NALF1: variants seen among roughly 807,000 people sequenced by gnomAD.
NALF1 encodes family with sequence similarity 155 member A.
NALF1 carries 3 observed loss-of-function variants against 48.4 expected under a neutral mutation model. That is an observed-to-expected ratio of 0.06 (90% CI 0.03 to 0.16). The LOEUF (loss-of-function observed/expected upper bound fraction) is 0.16. NALF1 is among the 10% of genes least tolerant of loss of function. NALF1 has a pLI of 1.00. For synonymous variants in NALF1, 262 were observed against 245.7 expected, an observed-to-expected ratio of 1.07 and a Z score of -0.62; for missense variants, 526 against 571.5, an observed-to-expected ratio of 0.92 and a Z score of 0.81.
intron 1 of NALF1, among the ~76,000 whole-genome samples, chr13:107,827,722 C>T (rs536665060): frequency 4.6e-5 from 7 of 152,186 alleles, no homozygotes; most frequent in Admixed American, 2.0e-4. Context: ...TTTTATTCCA[C>T]GAACATTTTA....
Position 107,299,196 on chromosome 13 carries a change from G to A in NALF1, c.916-88441C>T, listed in dbSNP as rs1299806053. Among the ~76,000 whole-genome samples, 4 of 152,120 alleles carry A rather than the reference G, an allele frequency of 2.6e-5. No homozygotes were observed. In the South Asian group the frequency reaches 6.2e-4, roughly 24 times the overall value. ...AGCAGTGAATGTTGTCCTTCTCAGC[G>A]CATCCGATTGGAGGGTCATGATGTG... On this transcript the variant is annotated intron_variant, in intron 1 of 2. Transcript: ENST00000375915.
rs139520208 is a variant in NALF1 at position 107,753,737 on chromosome 13, G to A, written c.915+111945C>T. Among the ~76,000 whole-genome samples, 25 of 152,068 alleles carry A rather than the reference G, an allele frequency of 1.6e-4. No individual in the cohort carries two copies. The East Asian group carries it at 2.7e-3, about 16-fold the overall frequency. ...TTGAAAGTAAACTTTATAGGTATAC[G>A]TCATTATTTTTAAAGTTCTCAACAG... On this transcript the variant is annotated intron_variant, in intron 1 of 2. Transcript: ENST00000375915.
chr13:107,458,426 C>T lies in NALF1; in HGVS notation c.916-247671G>A, dbSNP rs1256143638. ...GTGTGCCAATGCGCAGAGGCAGGGG[C>T]CGCCTGACATGGTAACCACTGTCGC... On this transcript the variant is annotated intron_variant, in intron 1 of 2. Coordinates refer to ENST00000375915, the MANE Select transcript of NALF1 (RefSeq NM_001080396.3). Among the ~76,000 whole-genome samples, 7 of 152,196 alleles carry T rather than the reference C, an allele frequency of 4.6e-5. No homozygotes were observed. In the South Asian group the frequency reaches 1.5e-3, roughly 32 times the overall value.
At chr13:107,516,208 A>T (rs2139091743) in intron 1 of NALF1, among the ~76,000 whole-genome samples, 1 of 152,340 alleles carries the variant, frequency 6.6e-6, no homozygotes, top group Non-Finnish European at 1.5e-5. Flanking sequence ...AGCTTTCTAA[A>T]GAAAACAAAG....
At chr13:107,194,131 A>G (rs1471808915) in intron 2 of NALF1, among the ~76,000 whole-genome samples, 1 of 152,046 alleles carries the variant, frequency 6.6e-6, no homozygotes, top group Non-Finnish European at 1.5e-5. Context: ...ATATAAGCCA[A>G]TGGAGTCTGT....
chr13:107,765,003 A>C (rs1224487012), intron 1 of NALF1, among the ~76,000 whole-genome samples: 2 of 152,184 alleles, frequency 1.3e-5, no homozygotes, highest in African/African-American at 4.8e-5. Context: ...ACTGCAAATT[A>C]CAGCATCCTT....
At chr13:107,622,307 G>T (rs763674021) in intron 1 of NALF1, among the ~76,000 whole-genome samples, 20 of 151,584 alleles carry the variant, frequency 1.3e-4, no homozygotes, top group African/African-American at 4.1e-4. Context: ...GCATAGTGGC[G>T]CATGTCTGTA....
intron 1 of NALF1, among the ~76,000 whole-genome samples, chr13:107,839,719 TA>T: frequency 6.6e-6 from 1 of 151,960 alleles, no homozygotes; most frequent in Non-Finnish European, 1.5e-5. Context: ...AATTTTTAAA[TA>T]AAGAGATATT....
At chr13:107,226,014 T>C (rs751942238) in intron 1 of NALF1, among the ~76,000 whole-genome samples, 1 of 152,060 alleles carries the variant, frequency 6.6e-6, no homozygotes, top group Non-Finnish European at 1.5e-5. Context: ...CGTTTCTAAC[T>C]TTTTTTTAGA....
intron 1 of NALF1, among the ~76,000 whole-genome samples, chr13:107,336,754 T>C (rs1490856145): frequency 6.6e-6 from 1 of 152,138 alleles, no homozygotes; most frequent in Admixed American, 6.5e-5. Context: ...TAATCTACAG[T>C]CTAATTATAA....
chr13:107,659,289 A>C (rs1880667444), intron 1 of NALF1, among the ~76,000 whole-genome samples: 2 of 152,106 alleles, frequency 1.3e-5, no homozygotes, highest in South Asian at 2.1e-4. Flanking sequence ...CTTGCTTATA[A>C]TTTGCATGTA....
intron 1 of NALF1, among the ~76,000 whole-genome samples, chr13:107,820,169 A>G (rs1206758382): frequency 1.3e-5 from 2 of 152,194 alleles, no homozygotes; most frequent in Admixed American, 6.5e-5. Flanking sequence ...TTTATTGTCT[A>G]TATCATTTGT....
intron 1 of NALF1, among the ~76,000 whole-genome samples, chr13:107,662,467 T>C (rs1294940947): frequency 6.6e-6 from 1 of 152,184 alleles, no homozygotes. Flanking sequence ...TTTCTGTTAA[T>C]AGGGAAAATT....
chr13:107,497,094 C>T (rs1875362831), intron 1 of NALF1, among the ~76,000 whole-genome samples: 1 of 152,038 alleles, frequency 6.6e-6, no homozygotes. Flanking sequence ...TTAAAGTTTT[C>T]TTTTTAAAAT....
Position 107,538,897 on chromosome 13 carries a change from T to C in NALF1, c.915+326785A>G, listed in dbSNP as rs4101916. Among the ~76,000 whole-genome samples the C allele has an allele frequency of 0.024, 3,680 of 152,226 alleles. 401 individuals carry two copies. The East Asian group carries it at 0.37, about 15-fold the overall frequency. ...CAATATAGCTTAGCTTTCATAAAAATAATTTAGAAATTACTTAATAAATAG... is the reference window on the plus strand; with the variant it reads ...CAATATAGCTTAGCTTTCATAAAAACAATTTAGAAATTACTTAATAAATAG... On this transcript the variant is annotated intron_variant, in intron 1 of 2. Coordinates refer to ENST00000375915, the MANE Select transcript of NALF1 (RefSeq NM_001080396.3).
In NALF1 at chr13:107,319,882, A is replaced by G. The variant is rs1424982178; in HGVS notation, c.916-109127T>C. Among the ~76,000 whole-genome samples, 8 of 152,208 alleles carry G rather than the reference A, an allele frequency of 5.3e-5. No individual in the cohort carries two copies. In the South Asian group the frequency reaches 1.7e-3, roughly 32 times the overall value. ...GGATTCCAACTTAGGTGAGTGGGTG[A>G]AAAGAGCCACCACTAATCTAACGAG... On this transcript the variant is annotated intron_variant, in intron 1 of 2. Transcript: ENST00000375915.
intron 2 of NALF1, among the ~76,000 whole-genome samples, chr13:107,175,507 T>G (rs775390784): frequency 6.6e-6 from 1 of 152,198 alleles, no homozygotes; most frequent in Non-Finnish European, 1.5e-5. Context: ...TACCTATTCT[T>G]TGATTCTTTT....
intron 1 of NALF1, among the ~76,000 whole-genome samples, chr13:107,605,756 G>A (rs567522813): frequency 6.6e-6 from 1 of 152,202 alleles, no homozygotes; most frequent in Non-Finnish European, 1.5e-5. Context: ...AAACAAAGTG[G>A]GCTCAAGTCC....
At chr13:107,276,109 T>C (rs1373360190) in intron 1 of NALF1, among the ~76,000 whole-genome samples, 3 of 152,082 alleles carry the variant, frequency 2.0e-5, no homozygotes, top group Admixed American at 6.5e-5. Flanking sequence ...ACCAGCGGCA[T>C]CCCACCCCTT....
Sources: gnomAD v4.1 joint callset for allele counts (sites outside exome capture counted in the v4.1 genomes callset) on GRCh38, gnomAD v4.1.1 for gene constraint, MANE v1.5 for transcripts, NCBI Gene and HGNC (gene_info 2026-07-23, HGNC 2026-07-21) for gene names.